SOX5: variants seen among roughly 807,000 people sequenced by gnomAD.
The protein encoded by SOX5 is SRY-box transcription factor 5, also known as transcription factor SOX-5.
SOX5 carries 9 observed loss-of-function variants against 92.0 expected under a neutral mutation model. The ratio of observed to expected loss-of-function variants is 0.10; its 90% CI spans 0.06 to 0.17. SOX5 has a LOEUF of 0.17. Ranked by LOEUF, SOX5 falls within the 10% of genes least tolerant of loss-of-function variation. The probability of loss-of-function intolerance (pLI) is 1.00; values close to 1 mark genes in which losing one functional copy is unlikely to be tolerated. For synonymous variants in SOX5, 344 were observed against 336.3 expected (o/e 1.02, Z -0.25); for missense variants, 642 against 944.5 (o/e 0.68, Z 4.20).
intron 4 of SOX5, among the ~76,000 whole-genome samples, chr12:24,000,953 A>G (rs1951542298): frequency 6.6e-6 from 1 of 152,212 alleles, no homozygotes; most frequent in African/African-American, 2.4e-5. Flanking sequence ...ACTAAAATCT[A>G]TAGAATGCTT....
intron 4 of SOX5, among the ~76,000 whole-genome samples, chr12:24,169,704 T>A (rs1038005609): frequency 2.0e-5 from 3 of 152,214 alleles, no homozygotes; most frequent in African/African-American, 7.2e-5. Context: ...TAAAAGGACC[T>A]AGATTAGGAT....
chr12:24,059,040 A>T (rs1232244835), intron 4 of SOX5, among the ~76,000 whole-genome samples: 1 of 152,204 alleles, frequency 6.6e-6, no homozygotes, highest in African/African-American at 2.4e-5. Context: ...ATTTCATTTT[A>T]TTATAACATT....
intron 6 of SOX5, among the ~76,000 whole-genome samples, chr12:23,688,004 C>A (rs938447619): frequency 6.6e-6 from 1 of 151,990 alleles, no homozygotes; most frequent in Non-Finnish European, 1.5e-5. Context: ...ATCTGTGCTT[C>A]CCATTAAATC....
chr12:23,990,052 AAAG>A (rs1368781010), intron 4 of SOX5, among the ~76,000 whole-genome samples: 3 of 152,076 alleles, frequency 2.0e-5, no homozygotes, highest in African/African-American at 7.2e-5. Context: ...AAGAAGAAGA[AAAG>A]AAGGAGAGAG....
intron 3 of SOX5, among the ~76,000 whole-genome samples, chr12:23,822,943 C>CT (rs142380734): frequency 6.6e-6 from 1 of 151,608 alleles, no homozygotes; most frequent in Non-Finnish European, 1.5e-5. Context: ...ACTAGGACTG[C>CT]TTTTTTTTGC....
chr12:24,004,880 G>T (rs1447567562), intron 4 of SOX5, among the ~76,000 whole-genome samples: 1 of 151,950 alleles, frequency 6.6e-6, no homozygotes, highest in Admixed American at 6.6e-5. Flanking sequence ...TTCATCAATG[G>T]GTGAAAGAAT....
intron 4 of SOX5, among the ~76,000 whole-genome samples, chr12:24,118,475 G>C (rs1447164512): frequency 2.0e-5 from 3 of 151,964 alleles, no homozygotes; most frequent in African/African-American, 7.3e-5. Flanking sequence ...GACACAGACA[G>C]TTCTCAATGA....
In SOX5 at chr12:23,530,627, T is replaced by C. The variant is rs897743550; in HGVS notation, c.*3592A>G. 3.3e-5 allele frequency: 5 copies of C among 152,300 alleles called. No individual in the cohort carries two copies. Among genetic ancestry groups the C allele is most frequent in the African/African-American group, 1.2e-4 (5 of 41,560 alleles). The allele number at this position is 152,300 out of a possible 1,614,324, so 9.4% of individuals were successfully genotyped here. A position where few individuals can be genotyped will look rare whatever the true frequency, so the allele number is the denominator to read the frequency against. On this transcript the variant is annotated 3_prime_UTR_variant, in exon 15 of 15. Coordinates refer to ENST00000451604, the MANE Select transcript of SOX5 (RefSeq NM_006940.6). ...AAGAATAGTTTTATATTTTATCCAA[T>C]TGTGGTAAGTTAATCACTAACTTAT...
At position 23,530,810 on chromosome 12, in the gene SOX5, T is replaced by TGC. The variant is rs1938829836; in HGVS notation, c.*3408_*3409insGC. 7.2e-6 allele frequency: 1 copy of TGC among 138,688 alleles called. No homozygotes were observed. Among genetic ancestry groups the TGC allele is most frequent in the Non-Finnish European group, 1.6e-5 (1 of 62,784 alleles). 8.6% of individuals were successfully genotyped at this position (138,688 alleles called of 1,614,324 possible). ...CAGTGTTGGGGCAAGTGTGTGTGTG[T>TGC]GTGTGTGTGCGCGCGCGCGCGCGCG... On this transcript the variant is annotated 3_prime_UTR_variant, in exon 15 of 15. Coordinates refer to ENST00000451604, the MANE Select transcript of SOX5 (RefSeq NM_006940.6).
chr12:23,971,459 A>T (rs1216195652), intron 4 of SOX5, among the ~76,000 whole-genome samples: 1 of 151,306 alleles, frequency 6.6e-6, no homozygotes, highest in Non-Finnish European at 1.5e-5. Context: ...CCATAAATTT[A>T]TCCAGGGGGA....
At chr12:23,861,163 A>G (rs1209062719) in intron 2 of SOX5, among the ~76,000 whole-genome samples, 2 of 152,110 alleles carry the variant, frequency 1.3e-5, no homozygotes, top group Non-Finnish European at 2.9e-5. Context: ...AACGGAAGCA[A>G]CTTTCCCTTA....
intron 1 of SOX5, among the ~76,000 whole-genome samples, chr12:23,925,892 T>C (rs1939808122): frequency 6.6e-6 from 1 of 152,044 alleles, no homozygotes; most frequent in South Asian, 2.1e-4. Context: ...ATAAATAAAA[T>C]ATCTCACAAA....
intron 1 of SOX5, among the ~76,000 whole-genome samples, chr12:24,530,987 T>C (rs1282844768): frequency 6.6e-6 from 1 of 152,202 alleles, no homozygotes; most frequent in African/African-American, 2.4e-5. Context: ...GGCAAAATTA[T>C]GGCCTTTTAA....
intron 2 of SOX5, among the ~76,000 whole-genome samples, chr12:24,338,061 T>C (rs1198646498): frequency 6.6e-6 from 1 of 152,224 alleles, no homozygotes; most frequent in Non-Finnish European, 1.5e-5. Flanking sequence ...ATCTTCCCTT[T>C]CTCTGGTTTT....
intron 1 of SOX5, among the ~76,000 whole-genome samples, chr12:23,936,553 A>G (rs753496035): frequency 3.3e-5 from 5 of 150,700 alleles, no homozygotes; most frequent in Non-Finnish European, 6.0e-5. Flanking sequence ...TAAACCCCTA[A>G]GTCTTTCTAA....
At chr12:24,512,192 T>C (rs1217562045) in intron 1 of SOX5, among the ~76,000 whole-genome samples, 1 of 152,194 alleles carries the variant, frequency 6.6e-6, no homozygotes, top group Admixed American at 6.5e-5. Flanking sequence ...TTCAGAAGCC[T>C]GAATGAACTC....
intron 1 of SOX5, among the ~76,000 whole-genome samples, chr12:24,534,007 G>A (rs968560824): frequency 6.6e-6 from 1 of 152,086 alleles, no homozygotes; most frequent in African/African-American, 2.4e-5. Context: ...CCAAAGCATG[G>A]CCCTGTCCAT....
intron 2 of SOX5, among the ~76,000 whole-genome samples, chr12:24,345,799 G>A (rs1022448857): frequency 6.6e-6 from 1 of 152,090 alleles, no homozygotes; most frequent in African/African-American, 2.4e-5. Flanking sequence ...AAGCTTATCC[G>A]TACTTCACTG....
intron 3 of SOX5, among the ~76,000 whole-genome samples, chr12:23,841,576 A>G (rs1346470859): frequency 6.6e-6 from 1 of 152,152 alleles, no homozygotes; most frequent in African/African-American, 2.4e-5. Context: ...AAGAATTGAT[A>G]AAATAGTGGT....
Sources: gnomAD v4.1 joint callset for allele counts (sites outside exome capture counted in the v4.1 genomes callset) on GRCh38, gnomAD v4.1.1 for gene constraint, MANE v1.5 for transcripts, NCBI Gene and HGNC (gene_info 2026-07-23, HGNC 2026-07-21) for gene names.